The following EPHA6 variants were observed in gnomAD, a reference collection of about 807,000 sequenced individuals.
EPHA6 encodes the protein ephrin type-A receptor 6.
Under a neutral mutation model 112.0 loss-of-function variants are expected in EPHA6, and 50 were observed. The observed-to-expected ratio is 0.45, with a 90% CI of 0.36 to 0.56. EPHA6 has a LOEUF of 0.56. EPHA6 is among the 20% of genes least tolerant of loss of function. The pLI is 0.00. For synonymous variants in EPHA6, 529 were observed against 490.7 expected, an observed-to-expected ratio of 1.08 and a Z score of -1.03; for missense variants, 1,280 against 1,417.4, an observed-to-expected ratio of 0.90 and a Z score of 1.56.
chr3:97,139,398 G>A (rs764418890), intron 3 of EPHA6, among the ~76,000 whole-genome samples: 1 of 152,104 alleles, frequency 6.6e-6, no homozygotes, highest in Non-Finnish European at 1.5e-5. Context: ...CTTGTAGAGT[G>A]AACTGCACAA....
chr3:96,967,181 T>TACAC lies in EPHA6; in HGVS notation c.451-20126_451-20123dup, dbSNP rs144463079. Among the ~76,000 whole-genome samples the TACAC allele has an allele frequency of 5.4e-3, 787 of 146,146 alleles. 4 individuals carry two copies. Among genetic ancestry groups the TACAC allele is most frequent in the Middle Eastern group, 0.035 (10 of 282 alleles). ...TGTGAGTGTGCTTCAATGCTATGAA[T>TACAC]ACACACACACACACACACACACACA... is the stretch of plus-strand genomic sequence containing the variant. On this transcript the variant is annotated intron_variant, in intron 2 of 17. Transcript: ENST00000389672.
At chr3:97,160,532 A>G (rs1257336296) in intron 3 of EPHA6, among the ~76,000 whole-genome samples, 3 of 151,854 alleles carry the variant, frequency 2.0e-5, no homozygotes, top group Non-Finnish European at 2.9e-5. Flanking sequence ...TGCCTGTCTC[A>G]GCCTCCCAAA....
intron 2 of EPHA6, among the ~76,000 whole-genome samples, chr3:96,893,193 T>G (rs1164195847): frequency 2.0e-5 from 3 of 152,272 alleles, no homozygotes; most frequent in African/African-American, 7.2e-5. Flanking sequence ...AAAAGTATAG[T>G]GCATATTATT....
intron 5 of EPHA6, among the ~76,000 whole-genome samples, chr3:97,274,377 G>T (rs2079995437): frequency 6.6e-6 from 1 of 152,126 alleles, no homozygotes; most frequent in Non-Finnish European, 1.5e-5. Flanking sequence ...GCCTTTTGAT[G>T]GCCTTTGCAG....
chr3:97,174,464 G>A (rs1329799409), intron 3 of EPHA6, among the ~76,000 whole-genome samples: 1 of 151,818 alleles, frequency 6.6e-6, no homozygotes, highest in Non-Finnish European at 1.5e-5. Flanking sequence ...AGATTTTTGA[G>A]GACCCTCTAA....
At chr3:97,570,013 G>A (rs536629046) in intron 11 of EPHA6, 14 of 152,210 alleles carry the variant, frequency 9.2e-5, no homozygotes, top group East Asian at 5.8e-4. Flanking sequence ...AATTTCTCAC[G>A]TGTAGAATCG....
At chr3:97,343,250 G>A (rs2083396536) in intron 5 of EPHA6, among the ~76,000 whole-genome samples, 1 of 152,124 alleles carries the variant, frequency 6.6e-6, no homozygotes, top group African/African-American at 2.4e-5. Flanking sequence ...CTTGAGGAGA[G>A]GCAATGTTGT....
At chr3:97,267,977 T>C (rs921645907) in intron 5 of EPHA6, among the ~76,000 whole-genome samples, 2 of 152,206 alleles carry the variant, frequency 1.3e-5, no homozygotes, top group African/African-American at 4.8e-5. Flanking sequence ...TATTTTTCTC[T>C]TATAACAAGA....
At chr3:97,126,418 A>G (rs546633196) in intron 3 of EPHA6, among the ~76,000 whole-genome samples, 31 of 152,316 alleles carry the variant, frequency 2.0e-4, no homozygotes, top group Admixed American at 3.9e-4. Flanking sequence ...GTTTCAATCC[A>G]AAAAGCACGA....
chr3:97,173,924 A>G (rs996565932), intron 3 of EPHA6, among the ~76,000 whole-genome samples: 1 of 151,728 alleles, frequency 6.6e-6, no homozygotes, highest in Non-Finnish European at 1.5e-5. Flanking sequence ...TATTCAATTA[A>G]GTTGTTATTA....
chr3:97,018,583 A>C (rs1300008441), intron 3 of EPHA6, among the ~76,000 whole-genome samples: 1 of 152,194 alleles, frequency 6.6e-6, no homozygotes, highest in Non-Finnish European at 1.5e-5. Context: ...GAAACAACTT[A>C]CACCATTATT....
chr3:96,878,156 A>C (rs1236850103), intron 2 of EPHA6, among the ~76,000 whole-genome samples: 1 of 152,130 alleles, frequency 6.6e-6, no homozygotes, highest in Non-Finnish European at 1.5e-5. Flanking sequence ...ATATCATAGT[A>C]AATAAATATG....
At chr3:97,130,934 T>A (rs2048320500) in intron 3 of EPHA6, among the ~76,000 whole-genome samples, 1 of 152,084 alleles carries the variant, frequency 6.6e-6, no homozygotes, top group Non-Finnish European at 1.5e-5. Context: ...TTATAATTAT[T>A]GTATTGTAAC....
intron 1 of EPHA6, among the ~76,000 whole-genome samples, chr3:96,852,052 G>A (rs1211911834): frequency 6.6e-6 from 1 of 152,114 alleles, no homozygotes; most frequent in East Asian, 1.9e-4. Flanking sequence ...TTTTAGCTCA[G>A]TTTCATCATT....
chr3:97,601,327 G>T (rs1381829183), intron 12 of EPHA6, among the ~76,000 whole-genome samples: 1 of 151,992 alleles, frequency 6.6e-6, no homozygotes, highest in East Asian at 1.9e-4. Flanking sequence ...GTATTTTTTT[G>T]TAAGGGAGGT....
At chr3:97,545,355 T>C (rs1228640563) in intron 11 of EPHA6, among the ~76,000 whole-genome samples, 1 of 152,228 alleles carries the variant, frequency 6.6e-6, no homozygotes, top group Non-Finnish European at 1.5e-5. Context: ...GGTTGTTCAG[T>C]TTCCATGTAG....
intron 12 of EPHA6, among the ~76,000 whole-genome samples, chr3:97,596,796 A>G (rs2093595558): frequency 2.1e-5 from 3 of 142,372 alleles, no homozygotes; most frequent in South Asian, 4.3e-4. Flanking sequence ...ATATATATAT[A>G]TATATATATA....
intron 10 of EPHA6, among the ~76,000 whole-genome samples, chr3:97,521,490 G>A (rs1260800393): frequency 2.6e-5 from 4 of 152,206 alleles, no homozygotes; most frequent in East Asian, 1.9e-4. Flanking sequence ...CAAGGCAGCA[G>A]GACAGAGAAT....
chr3:97,710,745 G>A (rs9843060), intron 14 of EPHA6, among the ~76,000 whole-genome samples: 13,112 of 152,106 alleles, frequency 0.086, 1,832 homozygotes, highest in African/African-American at 0.3. Context: ...CAGCTCTACT[G>A]TTGTTTTGTC....
Sources: allele counts gnomAD v4.1 joint callset (sites outside exome capture counted in the v4.1 genomes callset), GRCh38; gene constraint gnomAD v4.1.1; transcripts MANE v1.5; gene names NCBI Gene and HGNC (gene_info 2026-07-23, HGNC 2026-07-21).